The following MAPKAP1 variants were observed in gnomAD, a reference collection of about 807,000 sequenced individuals.
MAPKAP1 encodes the protein MAPK associated protein 1, also known as target of rapamycin complex 2 subunit MAPKAP1.
In MAPKAP1, 20 loss-of-function variants were observed where a neutral mutation model predicts 65.7. That is an observed-to-expected ratio of 0.30 (90% CI 0.21 to 0.44). MAPKAP1 has a LOEUF of 0.44. Ranked by LOEUF, MAPKAP1 falls within the 20% of genes least tolerant of loss-of-function variation. The pLI, the probability that MAPKAP1 is intolerant of heterozygous loss-of-function variation, is 1.00. For missense variants in MAPKAP1, 423 were observed against 648.0 expected, an observed-to-expected ratio of 0.65 and a Z score of 3.77; for synonymous variants, 222 against 244.3, an observed-to-expected ratio of 0.91 and a Z score of 0.85.
At chr9:125,685,577 G>C (rs988205101) in intron 1 of MAPKAP1, among the ~76,000 whole-genome samples, 21 of 152,230 alleles carry the variant, frequency 1.4e-4, no homozygotes, top group African/African-American at 5.1e-4. Flanking sequence ...ACATTTAAAA[G>C]AATCTCCCTG....
intron 7 of MAPKAP1, among the ~76,000 whole-genome samples, chr9:125,509,461 C>A (rs1278582929): frequency 2.0e-5 from 3 of 151,902 alleles, no homozygotes; most frequent in African/African-American, 4.8e-5. Flanking sequence ...TTAAAAACAC[C>A]AGATAAACTT....
intron 6 of MAPKAP1, among the ~76,000 whole-genome samples, chr9:125,554,797 A>C (rs1482591547): frequency 2.3e-5 from 2 of 88,142 alleles, no homozygotes; most frequent in African/African-American, 3.2e-5. Flanking sequence ...CACTTATCAA[A>C]AAAAAAAAAA....
chr9:125,460,364 T>C lies in MAPKAP1; in HGVS notation c.1345+7608A>G, dbSNP rs1853440870. On this transcript the variant is annotated intron_variant, in intron 10 of 11. Coordinates refer to ENST00000265960, the MANE Select transcript of MAPKAP1 (RefSeq NM_001006617.3). The stretch of plus-strand genomic sequence containing the variant: ...TTTTCTACTCTAACAAATATCAATA[T>C]TCCAATCAACACAAATTTTCTTTCT... Among the ~76,000 whole-genome samples, 6 of 152,036 alleles carry C rather than the reference T, an allele frequency of 3.9e-5. No individual in the cohort carries two copies. In the South Asian group the frequency reaches 1.2e-3, roughly 31 times the overall value.
intron 1 of MAPKAP1, among the ~76,000 whole-genome samples, chr9:125,686,750 T>C (rs1834991459): frequency 6.6e-6 from 1 of 152,262 alleles, no homozygotes; most frequent in South Asian, 2.1e-4. Context: ...TATCAAGATG[T>C]TGCCGGTACA....
intron 10 of MAPKAP1, among the ~76,000 whole-genome samples, chr9:125,450,338 C>T (rs1852896153): frequency 6.6e-6 from 1 of 152,160 alleles, no homozygotes; most frequent in South Asian, 2.1e-4. Flanking sequence ...CCACACCCCA[C>T]CCCAAAATCC....
intron 4 of MAPKAP1, among the ~76,000 whole-genome samples, chr9:125,630,270 C>A (rs1378327580): frequency 6.6e-6 from 1 of 152,176 alleles, no homozygotes; most frequent in Admixed American, 6.5e-5. Flanking sequence ...AGACAACAGG[C>A]GCGTGCCACC....
chr9:125,704,240 T>C (rs779575623), intron 1 of MAPKAP1, among the ~76,000 whole-genome samples: 6 of 152,226 alleles, frequency 3.9e-5, no homozygotes, highest in African/African-American at 7.2e-5. Flanking sequence ...ACCAGCAGCA[T>C]AAACTCAAGG....
At chr9:125,686,062 A>G (rs1002543521) in intron 1 of MAPKAP1, among the ~76,000 whole-genome samples, 1 of 152,196 alleles carries the variant, frequency 6.6e-6, no homozygotes, top group African/African-American at 2.4e-5. Flanking sequence ...CATGCCTGTA[A>G]TCCCAGCACT....
chr9:125,625,523 G>T (rs1215833308), intron 4 of MAPKAP1, among the ~76,000 whole-genome samples: 1 of 152,184 alleles, frequency 6.6e-6, no homozygotes, highest in Non-Finnish European at 1.5e-5. Flanking sequence ...TGCTGGGTGT[G>T]GCAGCTCACG....
In MAPKAP1 at chr9:125,447,067, A is replaced by C. The variant is rs1236037840; in HGVS notation, c.1346-2469T>G. 1.3e-5 allele frequency among the ~76,000 whole-genome samples: 2 copies of C among 152,124 alleles called. No individual in the cohort carries two copies. Among genetic ancestry groups the C allele is most frequent in the Non-Finnish European group, 2.9e-5 (2 of 68,036 alleles). On this transcript the variant is annotated intron_variant, in intron 10 of 11. Coordinates refer to ENST00000265960, the MANE Select transcript of MAPKAP1 (RefSeq NM_001006617.3). The surrounding 1 kb of genome is among the most constrained non-coding windows in gnomAD (Gnocchi z 4.5). Reference sequence around the variant, plus strand: ...GGTTCATCTGCACAGTCACGTGAAAAAAACAAAAAAATCATACCAAGCCAA... The same window carrying C: ...GGTTCATCTGCACAGTCACGTGAAACAAACAAAAAAATCATACCAAGCCAA...
At chr9:125,602,382 C>T (rs1328277841) in intron 4 of MAPKAP1, among the ~76,000 whole-genome samples, 1 of 152,124 alleles carries the variant, frequency 6.6e-6, no homozygotes, top group East Asian at 1.9e-4. Flanking sequence ...TGAGAAGCAG[C>T]CCAAAAAGTC....
At chr9:125,702,198 A>C (rs990351003) in intron 1 of MAPKAP1, among the ~76,000 whole-genome samples, 2 of 152,158 alleles carry the variant, frequency 1.3e-5, no homozygotes, top group Non-Finnish European at 2.9e-5. Context: ...GGAGTTCAAG[A>C]CCAGCCTAGG....
rs936933392 is a variant in MAPKAP1, at chr9:125,588,312, C to T, written c.499-2585G>A. On this transcript the variant is annotated intron_variant, in intron 4 of 11. Coordinates refer to ENST00000265960, the MANE Select transcript of MAPKAP1 (RefSeq NM_001006617.3). ...GAAGGAAACCAGACATGAAAGGCCA[C>T]TACTGTATGAACCCATTTATATGAA... 4.6e-5 allele frequency among the ~76,000 whole-genome samples: 7 copies of T among 152,136 alleles called. No individual in the cohort carries two copies. The East Asian group carries it at 9.6e-4, about 21-fold the overall frequency.
chr9:125,654,567 A>C (rs757694628), intron 4 of MAPKAP1, among the ~76,000 whole-genome samples: 1 of 152,246 alleles, frequency 6.6e-6, no homozygotes, highest in African/African-American at 2.4e-5. Context: ...CACATGCCTA[A>C]GTACAGCCTT....
At chr9:125,691,527 A>G (rs1835170565) in intron 1 of MAPKAP1, among the ~76,000 whole-genome samples, 1 of 152,214 alleles carries the variant, frequency 6.6e-6, no homozygotes, top group South Asian at 2.1e-4. Flanking sequence ...AGGTCTGAGC[A>G]AACTTGGGAG....
intron 8 of MAPKAP1, among the ~76,000 whole-genome samples, chr9:125,485,074 C>G (rs916168740): frequency 6.6e-6 from 1 of 152,194 alleles, no homozygotes; most frequent in African/African-American, 2.4e-5. Flanking sequence ...TTCCCCATAG[C>G]AACCCTGAGC....
chr9:125,575,197 C>CA (rs1476014448), intron 5 of MAPKAP1, among the ~76,000 whole-genome samples: 3 of 152,092 alleles, frequency 2.0e-5, no homozygotes, highest in Middle Eastern at 3.2e-3. Flanking sequence ...TGTGCCACTA[C>CA]AAAAAATTTT....
intron 8 of MAPKAP1, among the ~76,000 whole-genome samples, chr9:125,490,869 G>T (rs1483699820): frequency 6.6e-6 from 1 of 151,920 alleles, no homozygotes; most frequent in Non-Finnish European, 1.5e-5. Context: ...TAGGTGCAGT[G>T]GCTCACACCT....
At chr9:125,693,662 C>CGTATATATACGTGTATACAT (rs1157778497) in intron 1 of MAPKAP1, among the ~76,000 whole-genome samples, 1 of 141,910 alleles carries the variant, frequency 7.0e-6, no homozygotes, top group African/African-American at 2.7e-5. Context: ...TATACATACA[C>CGTATATATACGTGTATACAT]ACACATATAC....
Sources: allele counts gnomAD v4.1 joint callset (sites outside exome capture counted in the v4.1 genomes callset), GRCh38; gene constraint gnomAD v4.1.1; non-coding constraint Gnocchi (gnomAD v3.1); transcripts MANE v1.5; gene names NCBI Gene and HGNC (gene_info 2026-07-23, HGNC 2026-07-21).